The following RIPOR1 variants were observed in gnomAD, a reference collection of about 807,000 sequenced individuals.
The protein encoded by RIPOR1 is rho family-interacting cell polarization regulator 1.
RIPOR1 carries 58 observed loss-of-function variants against 116.5 expected under a neutral mutation model. That is an observed-to-expected ratio of 0.50 (90% CI 0.40 to 0.62). The LOEUF is 0.62. RIPOR1 is among the 20% of genes least tolerant of loss of function. The pLI is 0.00. For missense variants in RIPOR1, 1,372 were observed against 1,586.2 expected (o/e 0.86, Z 2.29); for synonymous variants, 605 against 650.0 (o/e 0.93, Z 1.05).
In RIPOR1 at chr16:67,543,299, G is replaced by T. The variant is rs781193436; in HGVS notation, c.2478+35G>T. On this transcript the variant is annotated intron_variant, in intron 13 of 21. Coordinates refer to ENST00000042381, the MANE Select transcript of RIPOR1 (RefSeq NM_024519.4). The surrounding 1 kb of genome is among the most constrained non-coding windows in gnomAD (Gnocchi z 4.7). ...GCTGGGCTGGGCTAGGGCAACCAGGGAGGGCAGCCAGGGGGCGGCAGCCGC... is the reference window on the plus strand; with the variant it reads ...GCTGGGCTGGGCTAGGGCAACCAGGTAGGGCAGCCAGGGGGCGGCAGCCGC... 6.2e-7 allele frequency: 1 copy of T among 1,606,518 alleles called. No individual in the cohort carries two copies. Among genetic ancestry groups the T allele is most frequent in the South Asian group, 1.1e-5 (1 of 89,958 alleles).
rs549151936 is a variant in RIPOR1 at position 67,544,746 on chromosome 16, C to A, written c.2785C>A (p.Arg929=). The change falls in exon 16 of 22, where the codon CGG becomes AGG. Residue 929 remains arginine (R), a synonymous_variant. Coordinates refer to ENST00000042381, the MANE Select transcript of RIPOR1 (RefSeq NM_024519.4). This position sits in a 1 kb window ranked among gnomAD's most constrained non-coding sequence, Gnocchi z 5.1. ...LRCQEAWALE[R]LLREARVLEA... Reference sequence around the variant, plus strand: ...CTGCCAGGAGGCATGGGCCCTGGAGCGGCTGCTGCGGGAAGCCCGAGTACT... The same window carrying A: ...CTGCCAGGAGGCATGGGCCCTGGAGAGGCTGCTGCGGGAAGCCCGAGTACT... 1 of 1,612,436 alleles carries A rather than the reference C, an allele frequency of 6.2e-7. No individual in the cohort carries two copies. Among genetic ancestry groups the A allele is most frequent in the South Asian group, 1.1e-5 (1 of 91,056 alleles).
intron 1 of RIPOR1, among the ~76,000 whole-genome samples, chr16:67,523,732 G>A: frequency 6.6e-6 from 1 of 150,916 alleles, no homozygotes; most frequent in East Asian, 2.0e-4. Context: ...CCAGGCTGGA[G>A]TGCAGTGGCA....
upstream of RIPOR1, among the ~76,000 whole-genome samples, chr16:67,525,898 C>T (rs1367324605): frequency 6.6e-6 from 1 of 152,106 alleles, no homozygotes; most frequent in Non-Finnish European, 1.5e-5. Flanking sequence ...CTTGCCTTCC[C>T]TGAGCTTCAG....
rs2051111722 is a variant in RIPOR1 at position 67,544,764 on chromosome 16, C to T, written c.2803C>T (p.Arg935Ter). 1.9e-6 allele frequency: 3 copies of T among 1,611,156 alleles called. No individual in the cohort carries two copies. Among genetic ancestry groups the T allele is most frequent in the East Asian group, 2.2e-5 (1 of 44,746 alleles). The change falls in exon 16 of 22, where the codon CGA (arginine) becomes TGA (stop). Residue 935 changes from arginine (R) to a stop codon, truncating the protein, a stop_gained. Coordinates refer to ENST00000042381, the MANE Select transcript of RIPOR1 (RefSeq NM_024519.4). LOFTEE classifies it high-confidence loss of function. This position sits in a 1 kb window ranked among gnomAD's most constrained non-coding sequence, Gnocchi z 5.1. ...CCTGGAGCGGCTGCTGCGGGAAGCC[C>T]GAGTACTGGAGGCAGTATGCGAGTT... ...WALERLLREA[R>*]VLEAVCEFSR...
chr16:67,539,993 GGTGA>G lies in RIPOR1; in HGVS notation c.415-57_415-54del, dbSNP rs560905148. 187 of 1,613,872 alleles carry G rather than the reference GGTGA, an allele frequency of 1.2e-4. 1 individual carries two copies. The highest frequency in any genetic ancestry group is 6.9e-4 in the South Asian group (63 of 91,074). On this transcript the variant is annotated intron_variant, in intron 6 of 21. Coordinates refer to ENST00000042381, the MANE Select transcript of RIPOR1 (RefSeq NM_024519.4). ...CAGGCCCTGGGTGAGCAACCTTAGA[GGTGA>G]GTAACCCCAGAGGTGAGTCTCAGTC...
rs182633047 is a variant in RIPOR1 at position 67,532,768 on chromosome 16, G to T, written c.-24+3854G>T. On this transcript the variant is annotated intron_variant, in intron 1 of 21. Transcript: ENST00000042381. ...CATAAGGCTGTTGCCAGGATTAAAT[G>T]AGATGATGTTTGCTAAGCTCAATGC... Among the ~76,000 whole-genome samples, 96 of 152,368 alleles carry T rather than the reference G, an allele frequency of 6.3e-4. 1 individual carries two copies. Among genetic ancestry groups the T allele is most frequent in the African/African-American group, 2.3e-3 (95 of 41,586 alleles).
At chr16:67,520,551 C>T (rs2050487156) in intron 1 of RIPOR1, among the ~76,000 whole-genome samples, 1 of 151,900 alleles carries the variant, frequency 6.6e-6, no homozygotes, top group Admixed American at 6.6e-5. Context: ...GCCTGTAATC[C>T]TAGCACTTTG....
upstream of RIPOR1, chr16:67,528,808 G>C (rs2142406564): frequency 6.5e-6 from 1 of 154,494 alleles, no homozygotes; most frequent in Admixed American, 6.6e-5. Context: ...GCGGGCGGAG[G>C]GAGGGGCCGG....
intron 1 of RIPOR1, 31 bp from the exon 2 acceptor site, chr16:67,538,393 T>C: frequency 1.3e-6 from 2 of 1,537,428 alleles, no homozygotes; most frequent in South Asian, 1.2e-5. Flanking sequence ...GGGATCCGAC[T>C]GGTACTGGAC....
chr16:67,535,667 C>T (rs1232892595), intron 1 of RIPOR1, among the ~76,000 whole-genome samples: 1 of 152,110 alleles, frequency 6.6e-6, no homozygotes, highest in East Asian at 1.9e-4. Context: ...TGGGTGAGGG[C>T]TCAAGGGGCC....
chr16:67,529,902 C>A lies in RIPOR1; in HGVS notation c.-24+988C>A. On this transcript the variant is annotated intron_variant, in intron 1 of 21. Transcript: ENST00000042381. The surrounding 1 kb of genome is among the most constrained non-coding windows in gnomAD (Gnocchi z 4.1). ...GGTCACACAGCTGGTTTGGGAGAAG[C>A]GAGGATTAGATCTGAGTCCTTGCCC... 2.2e-6 allele frequency: 3 copies of A among 1,337,548 alleles called. No homozygotes were observed. Among genetic ancestry groups the A allele is most frequent in the South Asian group, 1.2e-5 (1 of 80,068 alleles). 82.9% of individuals were successfully genotyped at this position (1,337,548 alleles called of 1,614,324 possible). A position where few individuals can be genotyped will look rare whatever the true frequency, so the allele number is the denominator to read the frequency against.
rs145352543 is a variant in RIPOR1, at chr16:67,546,414, C to T, written c.3611C>T (p.Ala1204Val). The change falls in exon 22 of 22, where the codon GCC (alanine) becomes GTC (valine). Residue 1204 changes from alanine to valine, a missense_variant. This residue lies in a region of RIPOR1 where 1,005 missense variants were observed against 1,144.7 expected (regional missense o/e 0.88). Transcript: ENST00000042381. ...CGACGGCTGGAGGAGTCCCTGGACGCCCTGCCCCGCATCTTTGGGCCTGGC... is the reference window on the plus strand; with the variant it reads ...CGACGGCTGGAGGAGTCCCTGGACGTCCTGCCCCGCATCTTTGGGCCTGGC... ...AHRRLEESLD[A>V]LPRIFGPGSM... is the part of the protein sequence containing the mutation. 15 of 1,613,966 alleles carry T rather than the reference C, an allele frequency of 9.3e-6. No homozygotes were observed. In the African/African-American group the frequency reaches 2.0e-4, roughly 22 times the overall value.
rs886836311 is a variant in RIPOR1, at chr16:67,530,655, G to C, written c.-24+1741G>C. Among the ~76,000 whole-genome samples, 1 of 152,170 alleles carries C rather than the reference G, an allele frequency of 6.6e-6. No individual in the cohort carries two copies. The highest frequency in any genetic ancestry group is 2.4e-5 in the African/African-American group (1 of 41,446). ...GGGATATTCCGCCGCACCCGGGTGT[G>C]CCAGTCTTGGTGTGTAGGAAGTATA... On this transcript the variant is annotated intron_variant, in intron 1 of 21. Coordinates refer to ENST00000042381, the MANE Select transcript of RIPOR1 (RefSeq NM_024519.4). The surrounding 1 kb of genome is among the most constrained non-coding windows in gnomAD (Gnocchi z 4.5).
chr16:67,530,006 G>C lies in RIPOR1; in HGVS notation c.-24+1092G>C. The C allele has an allele frequency of 1.5e-6, 1 of 672,432 alleles. No individual in the cohort carries two copies. Among genetic ancestry groups the C allele is most frequent in the Non-Finnish European group, 2.7e-6 (1 of 372,664 alleles). The allele number at this position is 672,432 out of a possible 1,614,324, so 41.7% of individuals were successfully genotyped here. ...GCTGAGGTACAAAATACTCCAGCGG[G>C]ACAAGGAGGACTGGCATAGCTCCTT... On this transcript the variant is annotated intron_variant, in intron 1 of 21. Transcript: ENST00000042381. The surrounding 1 kb of genome is among the most constrained non-coding windows in gnomAD (Gnocchi z 4.5).
At chr16:67,539,614 A>C (rs2050910547) in intron 4 of RIPOR1, 114 bp from the exon 5 acceptor site, 2 of 1,259,054 alleles carry the variant, frequency 1.6e-6, no homozygotes, top group Non-Finnish European at 2.3e-6. Context: ...CTACTGTGAC[A>C]GGAGTGCTTG....
Position 67,542,720 on chromosome 16 carries a change from C to G in RIPOR1, c.1934C>G (p.Pro645Arg), listed in dbSNP as rs1243554738. The G allele has an allele frequency of 3.1e-6, 5 of 1,613,336 alleles. No homozygotes were observed. The highest frequency in any genetic ancestry group is 3.3e-5 in the Admixed American group (2 of 59,954). ...MSPPTTTSPTPSGMGLVQTAT... is the reference protein window; with the variant it reads ...MSPPTTTSPTRSGMGLVQTAT... ...CCTCCCACCACTACAAGTCCTACCC[C>G]CAGTGGTATGGGCCTAGTCCAGACT... Residue 645 changes from proline (P) to arginine (R), a missense_variant, in exon 13 of 22, where the codon CCC becomes CGC. Pro to Arg is a moderately radical substitution (Grantham distance 103). Around this residue, in one of 3 missense-constraint regions of RIPOR1, gnomAD observed 1,005 missense variants for 1,144.7 expected, o/e 0.88. Transcript: ENST00000042381. This position sits in a 1 kb window ranked among gnomAD's most constrained non-coding sequence, Gnocchi z 4.6.
rs765064376 is a variant in RIPOR1 at position 67,544,664 on chromosome 16, C to T, written c.2734-31C>T. On this transcript the variant is annotated intron_variant, in intron 15 of 21. Coordinates refer to ENST00000042381, the MANE Select transcript of RIPOR1 (RefSeq NM_024519.4). The surrounding 1 kb of genome is among the most constrained non-coding windows in gnomAD (Gnocchi z 5.1). ...GATCCTCCCGAGCCCTACCCTGAGG[C>T]CTGAGCTACTTGGCCACCCATGTTC... 3.7e-6 allele frequency: 6 copies of T among 1,610,742 alleles called. No homozygotes were observed. Among genetic ancestry groups the T allele is most frequent in the African/African-American group, 1.3e-5 (1 of 74,938 alleles).
At position 67,545,176 on chromosome 16, in the gene RIPOR1, G is replaced by A. The variant is rs1222219575; in HGVS notation, c.3031+59G>A. On this transcript the variant is annotated intron_variant, in intron 17 of 21. Transcript: ENST00000042381. The surrounding 1 kb of genome is among the most constrained non-coding windows in gnomAD (Gnocchi z 4.8). ...CAGATTCCCAGTGACAGGAAGCTCG[G>A]GGAAGCCAGGTCAGCCCACACAGAT... 1.9e-6 allele frequency: 3 copies of A among 1,593,446 alleles called. No homozygotes were observed. The highest frequency in any genetic ancestry group is 2.6e-6 in the Non-Finnish European group (3 of 1,171,002).
At chr16:67,527,748 G>A (rs927900164), upstream of RIPOR1, among the ~76,000 whole-genome samples, 4 of 151,466 alleles carry the variant, frequency 2.6e-5, no homozygotes, top group Non-Finnish European at 5.9e-5. Context: ...TGGTGTGGGC[G>A]CCTGTAGTCC....
Sources: allele counts gnomAD v4.1 joint callset (sites outside exome capture counted in the v4.1 genomes callset), GRCh38; gene constraint gnomAD v4.1.1; regional missense constraint gnomAD v4.1.1; non-coding constraint Gnocchi (gnomAD v3.1); transcripts MANE v1.5; gene names NCBI Gene and HGNC (gene_info 2026-07-23, HGNC 2026-07-21).